TXLNB: variants seen among roughly 807,000 people sequenced by gnomAD.
The protein encoded by TXLNB is beta-taxilin.
A neutral mutation model predicts 57.4 loss-of-function variants in TXLNB; 37 were observed. The observed-to-expected ratio is 0.64, with a 90% CI of 0.50 to 0.85. The LOEUF (loss-of-function observed/expected upper bound fraction) is 0.85, where lower values mean the gene tolerates loss of function less well. Ranked by LOEUF, TXLNB falls within the 40% of genes least tolerant of loss-of-function variation. The pLI, the probability that TXLNB is intolerant of heterozygous loss-of-function variation, is 0.00. For missense variants in TXLNB, 848 were observed against 825.6 expected, an observed-to-expected ratio of 1.03 and a Z score of -0.33; for synonymous variants, 302 against 309.6, an observed-to-expected ratio of 0.98 and a Z score of 0.26.
chr6:139,314,578 G>A, the TXLNB span, among the ~76,000 whole-genome samples: 1 of 152,114 alleles, frequency 6.6e-6, no homozygotes, highest in Non-Finnish European at 1.5e-5. Context: ...TTGACCACAC[G>A]TTCTCAGGAC....
the TXLNB span, among the ~76,000 whole-genome samples, chr6:139,164,850 T>C: frequency 1.3e-5 from 2 of 150,836 alleles, no homozygotes; most frequent in Non-Finnish European, 3.0e-5. Context: ...GGCAACAGGT[T>C]TCCTTCCTTG....
intron 7 of TXLNB, among the ~76,000 whole-genome samples, chr6:139,249,814 C>A (rs1422561070): frequency 6.6e-6 from 1 of 152,100 alleles, no homozygotes; most frequent in African/African-American, 2.4e-5. Context: ...ATTTTGAATT[C>A]TCTCATTAGT....
chr6:139,297,796 T>C, the TXLNB span, among the ~76,000 whole-genome samples: 1 of 152,240 alleles, frequency 6.6e-6, no homozygotes. Context: ...TCTACACCAA[T>C]AACATTTTCA....
the TXLNB span, among the ~76,000 whole-genome samples, chr6:139,233,141 A>C: frequency 1.3e-5 from 2 of 151,818 alleles, no homozygotes; most frequent in African/African-American, 4.8e-5. Flanking sequence ...TATCATTCTC[A>C]CCTGTACTAC....
chr6:139,197,372 T>C, the TXLNB span, among the ~76,000 whole-genome samples: 1 of 152,204 alleles, frequency 6.6e-6, no homozygotes, highest in Non-Finnish European at 1.5e-5. Context: ...GTGATTTTAT[T>C]TGTTCACTGC....
the TXLNB span, among the ~76,000 whole-genome samples, chr6:139,192,991 C>CA: frequency 2.0e-5 from 3 of 150,482 alleles, no homozygotes; most frequent in African/African-American, 7.3e-5. Flanking sequence ...AAAAAAACAA[C>CA]AAAAAAACCC....
chr6:139,231,891 C>A, the TXLNB span, among the ~76,000 whole-genome samples: 1 of 152,070 alleles, frequency 6.6e-6, no homozygotes. Flanking sequence ...TACTTTTATT[C>A]CAGGAATAAC....
chr6:139,253,255 T>G (rs914766659), intron 7 of TXLNB, among the ~76,000 whole-genome samples: 1 of 152,234 alleles, frequency 6.6e-6, no homozygotes. Flanking sequence ...GGATGCATGA[T>G]TTGAAAACCA....
chr6:139,313,069 C>T, the TXLNB span, among the ~76,000 whole-genome samples: 2 of 151,278 alleles, frequency 1.3e-5, no homozygotes, highest in African/African-American at 4.9e-5. Flanking sequence ...TTCTATTTGT[C>T]TTTCTCTCTT....
At position 139,240,752 on chromosome 6, in the gene TXLNB, T is replaced by TTATCC. The variant is rs560272668; in HGVS notation, c.*1769_*1773dup. 6.6e-6 allele frequency: 1 copy of TTATCC among 152,612 alleles called. No homozygotes were observed. The highest frequency in any genetic ancestry group is 2.4e-5 in the African/African-American group (1 of 41,474). The allele number at this position is 152,612 out of a possible 1,614,324, so 9.5% of individuals were successfully genotyped here. ...TTTTTCCTGCCTAGCAACTTTGTTA[T>TTATCC]TATCCTCACTGTCTACTTCAAACAA... On this transcript the variant is annotated 3_prime_UTR_variant, in exon 10 of 10. Coordinates refer to ENST00000358430, the MANE Select transcript of TXLNB (RefSeq NM_153235.4).
At chr6:139,213,887 A>G in the TXLNB span, among the ~76,000 whole-genome samples, 1 of 152,314 alleles carries the variant, frequency 6.6e-6, no homozygotes, top group East Asian at 1.9e-4. Context: ...GAAGAAATGG[A>G]TAAATTCCTC....
At chr6:139,316,053 G>T in the TXLNB span, among the ~76,000 whole-genome samples, 1 of 152,130 alleles carries the variant, frequency 6.6e-6, no homozygotes, top group Non-Finnish European at 1.5e-5. Context: ...AAAAATGACA[G>T]GGAGAAAAAA....
At chr6:139,227,165 C>T in the TXLNB span, among the ~76,000 whole-genome samples, 1 of 151,512 alleles carries the variant, frequency 6.6e-6, no homozygotes, top group South Asian at 2.1e-4. Context: ...ATGGCAAAAC[C>T]CTGTCTCTAC....
the TXLNB span, chr6:139,165,985 C>T: frequency 2.2e-5 from 6 of 274,994 alleles, no homozygotes; most frequent in Non-Finnish European, 4.1e-5. Flanking sequence ...CCACCTTAGA[C>T]GAGAAATCGG....
chr6:139,229,789 T>A, the TXLNB span, among the ~76,000 whole-genome samples: 1 of 152,256 alleles, frequency 6.6e-6, no homozygotes, highest in Non-Finnish European at 1.5e-5. Flanking sequence ...TTGGGACTGC[T>A]GTGCATGGTG....
At chr6:139,318,096 C>T in the TXLNB span, among the ~76,000 whole-genome samples, 3 of 151,508 alleles carry the variant, frequency 2.0e-5, no homozygotes, top group South Asian at 2.1e-4. Flanking sequence ...AGTGAAACCC[C>T]GTCCCTACTA....
the TXLNB span, among the ~76,000 whole-genome samples, chr6:139,185,477 G>A: frequency 2.0e-5 from 3 of 152,122 alleles, no homozygotes; most frequent in African/African-American, 7.2e-5. Flanking sequence ...CGAGGTGGGC[G>A]GATCATGAGG....
chr6:139,267,262 T>C (rs910251298), intron 4 of TXLNB, among the ~76,000 whole-genome samples: 5 of 152,164 alleles, frequency 3.3e-5, no homozygotes, highest in African/African-American at 2.4e-5. Context: ...GAAATACATA[T>C]TATTGTTTAA....
the TXLNB span, among the ~76,000 whole-genome samples, chr6:139,217,726 G>A: frequency 4.0e-5 from 6 of 151,860 alleles, no homozygotes; most frequent in African/African-American, 1.5e-4. Context: ...AAAATTAGCC[G>A]GGCACGGTGG....
Sources: gnomAD v4.1 joint callset for allele counts (sites outside exome capture counted in the v4.1 genomes callset) on GRCh38, gnomAD v4.1.1 for gene constraint, MANE v1.5 for transcripts, NCBI Gene and HGNC (gene_info 2026-07-23, HGNC 2026-07-21) for gene names.